PPARGC1A: variants seen among roughly 807,000 people sequenced by gnomAD.
PPARGC1A encodes the protein PPARG coactivator 1 alpha.
In PPARGC1A, 25 loss-of-function variants were observed where a neutral mutation model predicts 88.7. That is an observed-to-expected ratio of 0.28 (90% CI 0.21 to 0.39). The LOEUF (loss-of-function observed/expected upper bound fraction) is 0.39, where lower values mean the gene tolerates loss of function less well. PPARGC1A is among the 10% of genes least tolerant of loss of function. PPARGC1A has a pLI of 1.00. For synonymous variants in PPARGC1A, 363 were observed against 355.6 expected (o/e 1.02, Z -0.24); for missense variants, 880 against 968.7 (o/e 0.91, Z 1.22).
the PPARGC1A span, among the ~76,000 whole-genome samples, chr4:24,194,641 C>CAT: frequency 2.5e-4 from 5 of 19,914 alleles, no homozygotes; most frequent in African/African-American, 5.1e-4. Flanking sequence ...CACACACACA[C>CAT]ACACACACAC....
At chr4:24,417,442 T>C in the PPARGC1A span, among the ~76,000 whole-genome samples, 1 of 152,208 alleles carries the variant, frequency 6.6e-6, no homozygotes, top group Non-Finnish European at 1.5e-5. Context: ...TGTCAGTGAT[T>C]TGAGAGCCCT....
chr4:24,095,894 C>T, the PPARGC1A span, among the ~76,000 whole-genome samples: 23 of 152,292 alleles, frequency 1.5e-4, no homozygotes, highest in Non-Finnish European at 2.2e-4. Flanking sequence ...GAGAAGCCCT[C>T]ACGGCAGCCT....
chr4:24,296,245 A>C, the PPARGC1A span, among the ~76,000 whole-genome samples: 2 of 151,054 alleles, frequency 1.3e-5, no homozygotes, highest in African/African-American at 4.9e-5. Context: ...TATCCAGTTG[A>C]ATTTTAATGC....
chr4:24,203,562 TGAGA>T, the PPARGC1A span, among the ~76,000 whole-genome samples: 1 of 74,364 alleles, frequency 1.3e-5, no homozygotes, highest in Non-Finnish European at 4.1e-5. Flanking sequence ...AAAAGACAGA[TGAGA>T]GATAGAAAAA....
chr4:23,886,959 A>G (rs1447923529), intron 1 of PPARGC1A, among the ~76,000 whole-genome samples: 1 of 152,156 alleles, frequency 6.6e-6, no homozygotes, highest in Non-Finnish European at 1.5e-5. Flanking sequence ...TCCTGTTGTG[A>G]AACTTAGGAA....
chr4:24,436,721 G>T, the PPARGC1A span, among the ~76,000 whole-genome samples: 13 of 135,730 alleles, frequency 9.6e-5, no homozygotes, highest in Admixed American at 2.2e-4. Context: ...AGCTGACATC[G>T]ATTGGCCACC....
At chr4:24,258,791 G>C in the PPARGC1A span, among the ~76,000 whole-genome samples, 1 of 150,756 alleles carries the variant, frequency 6.6e-6, no homozygotes, top group South Asian at 2.1e-4. Context: ...AACATTTTTA[G>C]AAGGGTGTAT....
chr4:23,827,257 C>T (rs1442771516), intron 5 of PPARGC1A, among the ~76,000 whole-genome samples: 1 of 152,020 alleles, frequency 6.6e-6, no homozygotes, highest in Non-Finnish European at 1.5e-5. Context: ...TTCTGAAAAT[C>T]CTGGGCTAAT....
the PPARGC1A span, among the ~76,000 whole-genome samples, chr4:24,331,291 C>A: frequency 6.6e-6 from 1 of 152,124 alleles, no homozygotes; most frequent in Non-Finnish European, 1.5e-5. Context: ...GCTTTCTTAG[C>A]TTTCAACCTG....
chr4:24,167,265 G>GAT, the PPARGC1A span, among the ~76,000 whole-genome samples: 1 of 152,186 alleles, frequency 6.6e-6, no homozygotes, highest in Non-Finnish European at 1.5e-5. Context: ...GGAACCTGAA[G>GAT]ATATGACTGA....
chr4:24,294,024 CTTA>C, the PPARGC1A span, among the ~76,000 whole-genome samples: 1 of 152,056 alleles, frequency 6.6e-6, no homozygotes, highest in Non-Finnish European at 1.5e-5. Context: ...ATAACTGGCC[CTTA>C]TTATTTATCT....
the PPARGC1A span, among the ~76,000 whole-genome samples, chr4:24,408,665 G>A: frequency 6.6e-6 from 1 of 152,176 alleles, no homozygotes; most frequent in Non-Finnish European, 1.5e-5. Context: ...GACCATCTGT[G>A]GGACCTAAAG....
At chr4:24,219,503 T>G in the PPARGC1A span, among the ~76,000 whole-genome samples, 734 of 152,290 alleles carry the variant, frequency 4.8e-3, 30 homozygotes, top group East Asian at 0.095. Flanking sequence ...CCTCACCCCA[T>G]GAGAGCCACC....
chr4:24,437,812 T>C, the PPARGC1A span, among the ~76,000 whole-genome samples: 1 of 150,144 alleles, frequency 6.7e-6, no homozygotes, highest in East Asian at 2.0e-4. Context: ...GCTAATTCTT[T>C]GTTTCTAGTT....
the PPARGC1A span, among the ~76,000 whole-genome samples, chr4:23,954,187 T>A: frequency 6.6e-6 from 1 of 152,050 alleles, no homozygotes; most frequent in Non-Finnish European, 1.5e-5. Context: ...GCGAATGAGA[T>A]CTTCATAGCA....
rs751972617 is a variant in PPARGC1A at position 23,831,747 on chromosome 4, A to G, written c.239T>C (p.Ile80Thr). Reference sequence around the variant, plus strand: ...CAAGTTTGCCTCATTCTCTTCATCTATCTTCTGCAGAAAGAGAAAAAAACA... The same window carrying G: ...CAAGTTTGCCTCATTCTCTTCATCTGTCTTCTGCAGAAAGAGAAAAAAACA... ...NNEPSNIFEK[I>T]DEENEANLLA... Residue 80 changes from isoleucine to threonine, a missense_variant, in exon 3 of 13, where the codon ATA becomes ACA. Coordinates refer to ENST00000264867, the MANE Select transcript of PPARGC1A (RefSeq NM_013261.5). 3 of 1,609,004 alleles carry G rather than the reference A, an allele frequency of 1.9e-6. No homozygotes were observed. Among genetic ancestry groups the G allele is most frequent in the Non-Finnish European group, 2.6e-6 (3 of 1,175,712 alleles).
At chr4:23,811,889 C>CTTTTTTTTTTTTTT (rs71196134) in intron 10 of PPARGC1A, among the ~76,000 whole-genome samples, 1 of 59,040 alleles carries the variant, frequency 1.7e-5, no homozygotes, top group Non-Finnish European at 3.2e-5. Context: ...GAAGAAATGA[C>CTTTTTTTTTTTTTT]TTTTTTTTTT....
the PPARGC1A span, among the ~76,000 whole-genome samples, chr4:23,938,233 G>T: frequency 2.0e-5 from 3 of 152,076 alleles, no homozygotes; most frequent in Admixed American, 2.0e-4. Flanking sequence ...GCATCTTTGG[G>T]TATCTTGAGT....
chr4:24,358,512 G>C, the PPARGC1A span, among the ~76,000 whole-genome samples: 1 of 152,124 alleles, frequency 6.6e-6, no homozygotes, highest in Non-Finnish European at 1.5e-5. Context: ...ATTGACCCAA[G>C]TTCTGATGCT....
Sources: gnomAD v4.1 joint callset for allele counts (sites outside exome capture counted in the v4.1 genomes callset) on GRCh38, gnomAD v4.1.1 for gene constraint, MANE v1.5 for transcripts, NCBI Gene and HGNC (gene_info 2026-07-23, HGNC 2026-07-21) for gene names.